The following HCN1 variants were observed in gnomAD, a reference collection of about 807,000 sequenced individuals.
The protein encoded by HCN1 is hyperpolarization activated cyclic nucleotide gated potassium channel 1, also known as potassium/sodium hyperpolarization-activated cyclic nucleotide-gated channel 1.
A neutral mutation model predicts 78.9 loss-of-function variants in HCN1; 13 were observed. That is an observed-to-expected ratio of 0.16 (90% CI 0.11 to 0.26). HCN1 has a LOEUF of 0.26. Among genes scored for constraint, HCN1 ranks in the 10% least tolerant of loss-of-function variants. The pLI is 1.00. For missense variants in HCN1, 810 were observed against 1,154.3 expected (o/e 0.70, Z 4.32); for synonymous variants, 552 against 455.5 (o/e 1.21, Z -2.70).
intron 2 of HCN1, among the ~76,000 whole-genome samples, chr5:45,593,638 T>TATTTTC (rs2111950065): frequency 2.2e-5 from 1 of 45,882 alleles, no homozygotes; most frequent in South Asian, 1.1e-3. Flanking sequence ...GCGGGGTAGC[T>TATTTTC]ATTTTCATTA....
intron 3 of HCN1, among the ~76,000 whole-genome samples, chr5:45,419,992 A>T (rs968688338): frequency 3.9e-5 from 6 of 152,194 alleles, no homozygotes; most frequent in African/African-American, 1.4e-4. Flanking sequence ...GGGAGAATGC[A>T]CATGGGAAAA....
rs538800296 is a variant in HCN1, at chr5:45,496,573, C to T, written c.850-34566G>A. Among the ~76,000 whole-genome samples, 281 of 152,134 alleles carry T rather than the reference C, an allele frequency of 1.8e-3. 1 individual carries two copies. The highest frequency in any genetic ancestry group is 6.2e-3 in the African/African-American group (258 of 41,522). On this transcript the variant is annotated intron_variant, in intron 2 of 7. Coordinates refer to ENST00000303230, the MANE Select transcript of HCN1 (RefSeq NM_021072.4). ...ATATCCCCTTTACCATTTTTTATTG[C>T]GTCTATTTGATACTTCTCTCTTTTT...
intron 2 of HCN1, among the ~76,000 whole-genome samples, chr5:45,499,093 G>A (rs1033114138): frequency 1.4e-4 from 22 of 152,310 alleles, no homozygotes; most frequent in African/African-American, 5.1e-4. Flanking sequence ...GTCTCCTTGA[G>A]CTGTGGTGGG....
At chr5:45,660,320 G>A (rs1284655617) in intron 1 of HCN1, among the ~76,000 whole-genome samples, 1 of 108,748 alleles carries the variant, frequency 9.2e-6, no homozygotes, top group Non-Finnish European at 1.8e-5. Context: ...ACATGGAAAG[G>A]AACAACCGGT....
chr5:45,549,188 T>C (rs1239661057), intron 2 of HCN1, among the ~76,000 whole-genome samples: 1 of 152,020 alleles, frequency 6.6e-6, no homozygotes, highest in Admixed American at 6.6e-5. Flanking sequence ...TGCATTGCCA[T>C]GTCAATCCTA....
intron 6 of HCN1, among the ~76,000 whole-genome samples, chr5:45,288,745 G>C (rs1055907928): frequency 6.6e-6 from 1 of 152,082 alleles, no homozygotes; most frequent in Non-Finnish European, 1.5e-5. Context: ...GTGGTGCATA[G>C]TTTAGTAGGG....
At chr5:45,372,030 A>T (rs1747384210) in intron 4 of HCN1, among the ~76,000 whole-genome samples, 1 of 68,318 alleles carries the variant, frequency 1.5e-5, no homozygotes, top group South Asian at 4.0e-4. Context: ...TATATAATAT[A>T]ATTATATATA....
intron 4 of HCN1, among the ~76,000 whole-genome samples, chr5:45,372,811 C>A (rs1240101357): frequency 1.4e-5 from 2 of 139,582 alleles, no homozygotes. Context: ...ATTCTATACA[C>A]AAATATATGT....
intron 2 of HCN1, among the ~76,000 whole-genome samples, chr5:45,480,707 T>C (rs1426407836): frequency 6.6e-6 from 1 of 152,182 alleles, no homozygotes; most frequent in Non-Finnish European, 1.5e-5. Flanking sequence ...TCTGATTCTA[T>C]TCAATGTTAT....
chr5:45,649,783 G>C (rs1745642576), intron 1 of HCN1, among the ~76,000 whole-genome samples: 1 of 151,768 alleles, frequency 6.6e-6, no homozygotes, highest in South Asian at 2.1e-4. Flanking sequence ...TTTATTAATT[G>C]GATTTTTAAT....
At chr5:45,415,124 C>T (rs1449491913) in intron 3 of HCN1, among the ~76,000 whole-genome samples, 1 of 152,022 alleles carries the variant, frequency 6.6e-6, no homozygotes, top group Non-Finnish European at 1.5e-5. Context: ...TCTAGGACTA[C>T]ATAAGACTTT....
At chr5:45,633,626 A>G (rs1213187670) in intron 2 of HCN1, among the ~76,000 whole-genome samples, 1 of 152,006 alleles carries the variant, frequency 6.6e-6, no homozygotes, top group Non-Finnish European at 1.5e-5. Flanking sequence ...AGGGGTTACT[A>G]TTCATCTTTA....
chr5:45,422,135 C>T (rs758676293), intron 3 of HCN1, among the ~76,000 whole-genome samples: 1 of 152,176 alleles, frequency 6.6e-6, no homozygotes, highest in Non-Finnish European at 1.5e-5. Flanking sequence ...GAGATGACAA[C>T]AAGAATCTGA....
chr5:45,598,184 A>G lies in HCN1; in HGVS notation c.849+47001T>C, dbSNP rs547416015. 2.0e-5 allele frequency among the ~76,000 whole-genome samples: 3 copies of G among 152,352 alleles called. No homozygotes were observed. The South Asian group carries it at 6.2e-4, about 32-fold the overall frequency. On this transcript the variant is annotated intron_variant, in intron 2 of 7. Transcript: ENST00000303230. ...CAAACTATACTACAAGGCTACAGCA[A>G]CCAAAACAACATGGTACTGGTACCA...
rs373349055 is a variant in HCN1, at chr5:45,443,727, A to G, written c.1011+18119T>C. Among the ~76,000 whole-genome samples, 265 of 152,240 alleles carry G rather than the reference A, an allele frequency of 1.7e-3. 1 individual carries two copies. Among genetic ancestry groups the G allele is most frequent in the African/African-American group, 6.2e-3 (256 of 41,564 alleles). On this transcript the variant is annotated intron_variant, in intron 3 of 7. Transcript: ENST00000303230. ...TCTGACTTTCTTCCCTCAAGTTAAA[A>G]CATAATTTAATATTTTTCTCTAATT...
intron 1 of HCN1, among the ~76,000 whole-genome samples, chr5:45,673,025 G>A (rs1349119744): frequency 6.6e-6 from 1 of 151,372 alleles, no homozygotes; most frequent in Non-Finnish European, 1.5e-5. Flanking sequence ...GTTCCAGCAT[G>A]CTGTCCAGGG....
At chr5:45,548,229 C>G (rs551845306) in intron 2 of HCN1, among the ~76,000 whole-genome samples, 2 of 151,780 alleles carry the variant, frequency 1.3e-5, no homozygotes, top group Non-Finnish European at 2.9e-5. Flanking sequence ...AAAACACATA[C>G]TTTCTGTATT....
intron 4 of HCN1, among the ~76,000 whole-genome samples, chr5:45,360,685 T>G (rs1158851318): frequency 1.3e-5 from 2 of 152,080 alleles, no homozygotes; most frequent in Non-Finnish European, 2.9e-5. Context: ...GAAAAAGTTT[T>G]AAGTCACATA....
intron 2 of HCN1, among the ~76,000 whole-genome samples, chr5:45,552,771 C>A (rs550594489): frequency 6.6e-6 from 1 of 151,832 alleles, no homozygotes; most frequent in Non-Finnish European, 1.5e-5. Flanking sequence ...GTAAGCTTAT[C>A]ATTAAAATTC....
Sources: gnomAD v4.1 joint callset for allele counts (sites outside exome capture counted in the v4.1 genomes callset) on GRCh38, gnomAD v4.1.1 for gene constraint, MANE v1.5 for transcripts, NCBI Gene and HGNC (gene_info 2026-07-23, HGNC 2026-07-21) for gene names.